UBASH3B: variants seen among roughly 807,000 people sequenced by gnomAD.
The protein encoded by UBASH3B is ubiquitin-associated and SH3 domain-containing protein B.
A neutral mutation model predicts 83.4 loss-of-function variants in UBASH3B; 37 were observed. The ratio of observed to expected loss-of-function variants is 0.44; its 90% confidence interval spans 0.34 to 0.58. The LOEUF (loss-of-function observed/expected upper bound fraction) is 0.58. Ranked by LOEUF, UBASH3B falls within the 20% of genes least tolerant of loss-of-function variation. The probability of loss-of-function intolerance (pLI) is 0.01; values close to 1 mark genes in which losing one functional copy is unlikely to be tolerated. For missense variants in UBASH3B, 657 were observed against 827.2 expected (o/e 0.79, Z 2.52); for synonymous variants, 304 against 318.3 (o/e 0.96, Z 0.48).
intron 1 of UBASH3B, among the ~76,000 whole-genome samples, chr11:122,706,116 T>TTC (rs1299659492): frequency 9.4e-4 from 129 of 137,308 alleles, no homozygotes; most frequent in African/African-American, 3.3e-3. Context: ...CTTTTTTTTT[T>TTC]TTTCTTTTTT....
intron 1 of UBASH3B, among the ~76,000 whole-genome samples, chr11:122,713,241 C>T (rs1459261728): frequency 6.6e-6 from 1 of 152,112 alleles, no homozygotes; most frequent in Admixed American, 6.5e-5. Flanking sequence ...GGAGTTGAGG[C>T]TCACATGGGA....
intron 1 of UBASH3B, among the ~76,000 whole-genome samples, chr11:122,677,510 A>G (rs1041386951): frequency 6.6e-5 from 10 of 152,286 alleles, no homozygotes; most frequent in African/African-American, 2.2e-4. Flanking sequence ...ACTTACCATT[A>G]TCACATCATC....
intron 1 of UBASH3B, among the ~76,000 whole-genome samples, chr11:122,710,779 G>A (rs1233016387): frequency 1.3e-5 from 2 of 151,930 alleles, no homozygotes; most frequent in Non-Finnish European, 1.5e-5. Flanking sequence ...AGCCCATGCC[G>A]CATACCACTT....
rs1861487454 is a variant in UBASH3B at position 122,813,583 on chromosome 11, A to C, written c.*3697A>C. Reference sequence around the variant, plus strand: ...GATAATGAGGTGCAGGGTTATTTGCATTTAAATTGCAATCCAGCACACGTG... The same window carrying C: ...GATAATGAGGTGCAGGGTTATTTGCCTTTAAATTGCAATCCAGCACACGTG... On this transcript the variant is annotated 3_prime_UTR_variant, in exon 14 of 14. Coordinates refer to ENST00000284273, the MANE Select transcript of UBASH3B (RefSeq NM_032873.5). 6.6e-6 allele frequency: 1 copy of C among 152,184 alleles called. No individual in the cohort carries two copies. Among genetic ancestry groups the C allele is most frequent in the South Asian group, 2.1e-4 (1 of 4,832 alleles). 9.4% of individuals were successfully genotyped at this position (152,184 alleles called of 1,614,324 possible). A position where few individuals can be genotyped will look rare whatever the true frequency, so the allele number is the denominator to read the frequency against.
In UBASH3B at chr11:122,810,547, C is replaced by G. The variant is rs771609680; in HGVS notation, c.*661C>G. 1 of 134,720 alleles carries G rather than the reference C, an allele frequency of 7.4e-6. No individual in the cohort carries two copies. Among genetic ancestry groups the G allele is most frequent in the African/African-American group, 3.4e-5 (1 of 29,702 alleles). The allele number at this position is 134,720 out of a possible 1,614,324, so 8.3% of individuals were successfully genotyped here. On this transcript the variant is annotated 3_prime_UTR_variant, in exon 14 of 14. Transcript: ENST00000284273. ...TTCTTGCTACAGCCCTATCCCCCCT[C>G]CTTGCTTCTGTGAAATGGGGAGACA...
At chr11:122,730,891 G>A (rs1860833719) in intron 1 of UBASH3B, among the ~76,000 whole-genome samples, 1 of 152,184 alleles carries the variant, frequency 6.6e-6, no homozygotes, top group Admixed American at 6.5e-5. Flanking sequence ...CACCGCTCCT[G>A]GCCAATATTT....
chr11:122,698,488 T>C (rs1475035873), intron 1 of UBASH3B, among the ~76,000 whole-genome samples: 1 of 152,122 alleles, frequency 6.6e-6, no homozygotes, highest in African/African-American at 2.4e-5. Context: ...ATTAGGATGG[T>C]ATAAGGCTAA....
intron 1 of UBASH3B, among the ~76,000 whole-genome samples, chr11:122,764,476 C>G (rs1011208469): frequency 6.6e-6 from 1 of 152,248 alleles, no homozygotes; most frequent in African/African-American, 2.4e-5. Flanking sequence ...CCTGCTAGAG[C>G]AGCTGTATGT....
intron 1 of UBASH3B, chr11:122,727,420 A>G (rs1479584888): frequency 6.6e-6 from 1 of 152,194 alleles, no homozygotes; most frequent in African/African-American, 2.4e-5. Context: ...GCTCAGAGGA[A>G]GGAAGTTGTC....
chr11:122,766,395 A>G (rs1293042481), intron 1 of UBASH3B, among the ~76,000 whole-genome samples: 6 of 152,178 alleles, frequency 3.9e-5, no homozygotes, highest in African/African-American at 1.2e-4. Flanking sequence ...TACACAAAAA[A>G]TTAGCCAGGC....
At position 122,729,176 on chromosome 11, in the gene UBASH3B, A is replaced by AC. The variant is rs1860796874; in HGVS notation, c.162-47042dup. On this transcript the variant is annotated intron_variant, in intron 1 of 13. Coordinates refer to ENST00000284273, the MANE Select transcript of UBASH3B (RefSeq NM_032873.5). ...TCTGGACAGTGGCTCTCTGACTAGG[A>AC]CTGCGGAGTGAGTACTCCAACGCCA... Among the ~76,000 whole-genome samples, 4 of 152,280 alleles carry AC rather than the reference A, an allele frequency of 2.6e-5. No individual in the cohort carries two copies. In the South Asian group the frequency reaches 8.3e-4, roughly 32 times the overall value.
intron 1 of UBASH3B, among the ~76,000 whole-genome samples, chr11:122,675,228 A>C (rs1863652247): frequency 6.6e-6 from 1 of 152,180 alleles, no homozygotes; most frequent in Non-Finnish European, 1.5e-5. Flanking sequence ...TTAAACTTGC[A>C]CACAGAGCTC....
chr11:122,694,375 G>T (rs1213856524), intron 1 of UBASH3B, among the ~76,000 whole-genome samples: 1 of 152,008 alleles, frequency 6.6e-6, no homozygotes, highest in Admixed American at 6.6e-5. Flanking sequence ...AAAGTTATTT[G>T]AATAAAAGTA....
chr11:122,705,217 C>G (rs1864099898), intron 1 of UBASH3B, among the ~76,000 whole-genome samples: 1 of 152,118 alleles, frequency 6.6e-6, no homozygotes, highest in Non-Finnish European at 1.5e-5. Flanking sequence ...GAGGCTGAGG[C>G]AGGCAGATCA....
chr11:122,700,975 A>C (rs10892886), intron 1 of UBASH3B, among the ~76,000 whole-genome samples: 2 of 152,026 alleles, frequency 1.3e-5, no homozygotes, highest in Non-Finnish European at 2.9e-5. Context: ...ACCCTGCTCC[A>C]CATTAAACCA....
intron 1 of UBASH3B, among the ~76,000 whole-genome samples, chr11:122,765,087 C>CTT (rs140210194): frequency 6.8e-6 from 1 of 146,912 alleles, no homozygotes; most frequent in Non-Finnish European, 1.5e-5. Context: ...CATAAAAGCC[C>CTT]TTTTTTTTTT....
intron 1 of UBASH3B, among the ~76,000 whole-genome samples, chr11:122,691,026 C>T (rs1263268569): frequency 6.6e-6 from 1 of 152,210 alleles, no homozygotes; most frequent in Non-Finnish European, 1.5e-5. Context: ...AACCCCGGGT[C>T]TTCCGGACTC....
At chr11:122,708,060 T>G (rs943320713) in intron 1 of UBASH3B, among the ~76,000 whole-genome samples, 20 of 152,130 alleles carry the variant, frequency 1.3e-4, no homozygotes, top group Non-Finnish European at 4.4e-5. Context: ...TCTCTTCTCC[T>G]GACATCATAA....
At chr11:122,711,381 C>G (rs1015093463) in intron 1 of UBASH3B, among the ~76,000 whole-genome samples, 1 of 152,240 alleles carries the variant, frequency 6.6e-6, no homozygotes, top group Non-Finnish European at 1.5e-5. Flanking sequence ...ACTCTCCAGC[C>G]ACGTGGGTCC....
Sources: gnomAD v4.1 joint callset for allele counts (sites outside exome capture counted in the v4.1 genomes callset) on GRCh38, gnomAD v4.1.1 for gene constraint, MANE v1.5 for transcripts, NCBI Gene and HGNC (gene_info 2026-07-23, HGNC 2026-07-21) for gene names.